Variants in MOCOS observed in about 807,000 individuals in gnomAD.
MOCOS encodes the protein molybdenum cofactor sulfurase, also known as human molybdenum cofactor sulfurase.
Under a neutral mutation model 83.6 loss-of-function variants are expected in MOCOS, and 86 were observed. The ratio of observed to expected loss-of-function variants is 1.03; its 90% CI spans 0.86 to 1.23. The LOEUF (loss-of-function observed/expected upper bound fraction) is 1.23. MOCOS is among the 50% of genes most tolerant of loss of function. MOCOS has a pLI of 0.00. For synonymous variants in MOCOS, 445 were observed against 434.7 expected, an observed-to-expected ratio of 1.02 and a Z score of -0.29; for missense variants, 1,120 against 1,126.9, an observed-to-expected ratio of 0.99 and a Z score of 0.09.
intron 13 of MOCOS, among the ~76,000 whole-genome samples, chr18:36,264,123 TG>T (rs1279733458): frequency 1.3e-5 from 2 of 152,068 alleles, no homozygotes; most frequent in Non-Finnish European, 2.9e-5. Flanking sequence ...TGCAGAGAGC[TG>T]CCTGGGTGAC....
At chr18:36,251,051 T>G (rs2144140257) in intron 10 of MOCOS, 108 bp from the exon 11 acceptor site, 1 of 1,367,096 alleles carries the variant, frequency 7.3e-7, no homozygotes, top group South Asian at 1.2e-5. Context: ...TCAGGGCTCA[T>G]GCAATGTTTT....
chr18:36,235,007 A>C (rs1053003289), intron 9 of MOCOS, among the ~76,000 whole-genome samples: 1 of 152,116 alleles, frequency 6.6e-6, no homozygotes, highest in Non-Finnish European at 1.5e-5. Flanking sequence ...ACTTGAGATG[A>C]GATTTGGATG....
intron 8 of MOCOS, 43 bp downstream of exon 8, chr18:36,216,020 ACTCT>A (rs767683976): frequency 1.8e-5 from 28 of 1,546,686 alleles, no homozygotes; most frequent in African/African-American, 2.7e-5. Context: ...CTCTTTGTTT[ACTCT>A]CTCTATTTTT....
At chr18:36,229,871 A>G (rs111638859) in intron 9 of MOCOS, among the ~76,000 whole-genome samples, 3,343 of 151,476 alleles carry the variant, frequency 0.022, 120 homozygotes, top group African/African-American at 0.076. Flanking sequence ...AACATTTTCT[A>G]TTTCCTTGTC....
At chr18:36,228,335 AC>A (rs143352692) in intron 9 of MOCOS, among the ~76,000 whole-genome samples, 15,555 of 152,176 alleles carry the variant, frequency 0.1, 902 homozygotes, top group Non-Finnish European at 0.13. Flanking sequence ...CTGGGTATAT[AC>A]CCAAAGAAAT....
At chr18:36,211,697 A>T (rs568304462) in intron 6 of MOCOS, among the ~76,000 whole-genome samples, 395 of 152,142 alleles carry the variant, frequency 2.6e-3, no homozygotes, top group Non-Finnish European at 4.2e-3. Flanking sequence ...CTGATGCATA[A>T]AAGGGAAATT....
intron 1 of MOCOS, chr18:36,190,037 C>T (rs1234417552): frequency 6.6e-6 from 1 of 152,306 alleles, no homozygotes; most frequent in East Asian, 1.9e-4. Flanking sequence ...TTTAACACAG[C>T]TTTCCCACCC....
intron 12 of MOCOS, 122 bp from the exon 13 acceptor site, chr18:36,259,915 G>A: frequency 7.3e-7 from 1 of 1,369,178 alleles, no homozygotes. Flanking sequence ...TGATTATCCA[G>A]GGCACAGGCC....
chr18:36,241,158 C>T (rs892022996), intron 9 of MOCOS, among the ~76,000 whole-genome samples: 3 of 152,124 alleles, frequency 2.0e-5, no homozygotes, highest in Non-Finnish European at 2.9e-5. Context: ...TGGCTCCTCC[C>T]AACAAAGTCC....
chr18:36,244,856 G>T (rs957587464), intron 9 of MOCOS, among the ~76,000 whole-genome samples: 4 of 152,018 alleles, frequency 2.6e-5, no homozygotes, highest in African/African-American at 7.2e-5. Context: ...CTGTTGGACT[G>T]TTCTTTTTAT....
chr18:36,269,091 G>T lies in MOCOS; in HGVS notation c.*406G>T. ...GATCTCTCCAACCCGTTTGTAGTGA[G>T]GAAGGGAGTCTATGCCCAGTGATCC... On this transcript the variant is annotated 3_prime_UTR_variant, in exon 15 of 15. Transcript: ENST00000261326. 1 of 226,112 alleles carries T rather than the reference G, an allele frequency of 4.4e-6. No individual in the cohort carries two copies. The highest frequency in any genetic ancestry group is 8.8e-6 in the Non-Finnish European group (1 of 113,088). The allele number at this position is 226,112 out of a possible 1,614,324, so 14.0% of individuals were successfully genotyped here.
chr18:36,205,377 C>A, intron 6 of MOCOS, 101 bp downstream of exon 6: 1 of 1,219,542 alleles, frequency 8.2e-7, no homozygotes, highest in Non-Finnish European at 1.2e-6. Context: ...GAAGAGGCCA[C>A]CAGGCCCTCA....
At chr18:36,240,909 G>C (rs1261343123) in intron 9 of MOCOS, among the ~76,000 whole-genome samples, 1 of 152,150 alleles carries the variant, frequency 6.6e-6, no homozygotes, top group Non-Finnish European at 1.5e-5. Flanking sequence ...GGTGCCGTCC[G>C]TCACCCCTTT....
Position 36,268,736 on chromosome 18 carries a change from T to A in MOCOS, c.*51T>A. 6.8e-7 allele frequency: 1 copy of A among 1,462,268 alleles called. No individual in the cohort carries two copies. The highest frequency in any genetic ancestry group is 9.6e-7 in the Non-Finnish European group (1 of 1,044,488). The allele number at this position is 1,462,268 out of a possible 1,614,324, so 90.6% of individuals were successfully genotyped here. A position where few individuals can be genotyped will look rare whatever the true frequency, so the allele number is the denominator to read the frequency against. ...CTTTTACAGTGATCTCTATTATTGT[T>A]AAGATCTGCAACTTGGTTCAGTAGA... On this transcript the variant is annotated 3_prime_UTR_variant, in exon 15 of 15. Transcript: ENST00000261326.
chr18:36,265,404 G>T (rs953983272), intron 13 of MOCOS, among the ~76,000 whole-genome samples: 3 of 152,186 alleles, frequency 2.0e-5, no homozygotes, highest in African/African-American at 7.2e-5. Flanking sequence ...TTTCATCCTG[G>T]TATCTGCAAC....
At chr18:36,266,959 G>T (rs919303571) in intron 14 of MOCOS, 106 bp downstream of exon 14, 20 of 947,072 alleles carry the variant, frequency 2.1e-5, no homozygotes, top group Admixed American at 1.2e-4. Flanking sequence ...TGGGGGATTT[G>T]CTGCCCATCC....
intron 9 of MOCOS, among the ~76,000 whole-genome samples, chr18:36,224,787 G>A (rs1441391230): frequency 6.6e-6 from 1 of 152,108 alleles, no homozygotes; most frequent in African/African-American, 2.4e-5. Flanking sequence ...ATGAGTTTGG[G>A]AATGTTCCCT....
intron 13 of MOCOS, among the ~76,000 whole-genome samples, chr18:36,264,968 G>A (rs952655299): frequency 2.6e-5 from 4 of 152,300 alleles, no homozygotes; most frequent in East Asian, 3.9e-4. Flanking sequence ...TTATAAACTA[G>A]GATGCATAGC....
intron 11 of MOCOS, among the ~76,000 whole-genome samples, chr18:36,252,933 AG>A (rs1292302451): frequency 6.6e-6 from 1 of 152,188 alleles, no homozygotes; most frequent in Non-Finnish European, 1.5e-5. Flanking sequence ...GTGATAGAAA[AG>A]GGGAATAGAT....
Sources: allele counts gnomAD v4.1 joint callset (sites outside exome capture counted in the v4.1 genomes callset), GRCh38; gene constraint gnomAD v4.1.1; transcripts MANE v1.5; gene names NCBI Gene and HGNC (gene_info 2026-07-23, HGNC 2026-07-21).